CDKL1: variants seen among roughly 807,000 people sequenced by gnomAD.
The protein encoded by CDKL1 is cyclin-dependent kinase-like 1.
Under a neutral mutation model 42.0 loss-of-function variants are expected in CDKL1, and 41 were observed. That is an observed-to-expected ratio of 0.98 (90% CI 0.76 to 1.27). CDKL1 has a LOEUF of 1.27. Ranked by LOEUF, CDKL1 falls within the 50% of genes most tolerant of loss-of-function variation. CDKL1 has a pLI of 0.00. For missense variants in CDKL1, 394 were observed against 428.4 expected, an observed-to-expected ratio of 0.92 and a Z score of 0.71; for synonymous variants, 153 against 158.6, an observed-to-expected ratio of 0.96 and a Z score of 0.26.
chr14:50,333,057 T>G (rs1217940548), intron 8 of CDKL1: 2 of 170,434 alleles, frequency 1.2e-5, no homozygotes, highest in African/African-American at 4.8e-5. Context: ...GCCATGGAGC[T>G]CATTCTTGGA....
chr14:50,378,330 G>C, intron 2 of CDKL1: 3 of 1,366,526 alleles, frequency 2.2e-6, no homozygotes, highest in Non-Finnish European at 2.9e-6. Flanking sequence ...TAAGGTTCTT[G>C]CTCTGCGAGG....
chr14:50,388,157 G>A (rs570401291), intron 2 of CDKL1, among the ~76,000 whole-genome samples: 2 of 152,322 alleles, frequency 1.3e-5, no homozygotes, highest in South Asian at 2.1e-4. Flanking sequence ...CCAAAGTGCT[G>A]GGATCACAGG....
chr14:50,382,429 C>A (rs1023706354), intron 2 of CDKL1, among the ~76,000 whole-genome samples: 2 of 151,844 alleles, frequency 1.3e-5, no homozygotes, highest in African/African-American at 4.8e-5. Context: ...CCAGCCTGGG[C>A]GACAGAGCAA....
At chr14:50,374,396 T>C (rs534114757) in intron 2 of CDKL1, among the ~76,000 whole-genome samples, 1 of 152,324 alleles carries the variant, frequency 6.6e-6, no homozygotes, top group South Asian at 2.1e-4. Context: ...TACGACACAA[T>C]GTGTGAACCT....
In CDKL1 at chr14:50,396,671, C is replaced by T. The variant is rs529745790; in HGVS notation, c.-462+153G>A. 5.4e-3 allele frequency: 919 copies of T among 170,104 alleles called. 2 individuals are homozygous for T. The highest frequency in any genetic ancestry group is 8.4e-3 in the Non-Finnish European group (704 of 84,292). 10.5% of individuals were successfully genotyped at this position (170,104 alleles called of 1,614,324 possible). A position where few individuals can be genotyped will look rare whatever the true frequency, so the allele number is the denominator to read the frequency against. On this transcript the variant is annotated intron_variant, in intron 1 of 9. Transcript: ENST00000395834. The stretch of plus-strand genomic sequence containing the variant: ...CGGAGGCGGCGGCGAGGCTTGGCCG[C>T]AGGAGACCAACCCGCGCCCCGCGCC...
intron 2 of CDKL1, among the ~76,000 whole-genome samples, chr14:50,392,667 C>A (rs1312718932): frequency 1.3e-5 from 2 of 151,828 alleles, no homozygotes; most frequent in Non-Finnish European, 2.9e-5. Flanking sequence ...CTTTAAATAC[C>A]ATCGATATGC....
intron 4 of CDKL1, chr14:50,342,992 C>T (rs763167309): frequency 2.2e-6 from 3 of 1,355,784 alleles, no homozygotes; most frequent in South Asian, 1.2e-5. Context: ...GCGGCCCCCC[C>T]TCCAGAATTT....
At chr14:50,392,183 C>T (rs12893070) in intron 2 of CDKL1, among the ~76,000 whole-genome samples, 34,391 of 152,170 alleles carry the variant, frequency 0.23, 4,258 homozygotes, top group Middle Eastern at 0.37. Flanking sequence ...CGGGGGCTCA[C>T]GCCCATAATC....
intron 2 of CDKL1, chr14:50,363,094 G>C (rs906944564): frequency 3.1e-5 from 10 of 327,406 alleles, no homozygotes; most frequent in African/African-American, 8.5e-5. Context: ...CACTCACTGC[G>C]AAGGTCTGCA....
At chr14:50,342,253 T>A (rs1214771395) in intron 4 of CDKL1, 31 bp from the exon 5 acceptor site, 4 of 1,579,786 alleles carry the variant, frequency 2.5e-6, no homozygotes, top group East Asian at 2.2e-5. Flanking sequence ...AAAAACAATA[T>A]TAAGGCTGAA....
At position 50,359,093 on chromosome 14, in the gene CDKL1, C is replaced by A. The variant is rs1482781388; in HGVS notation, c.225G>T (p.Arg75Ser). The change falls in exon 3 of 10, where the codon AGG becomes AGT. Residue 75 changes from arginine (R) to serine (S), a missense_variant. Arg to Ser is a moderately radical substitution (Grantham distance 110, BLOSUM62 -1). Coordinates refer to ENST00000395834, the MANE Select transcript of CDKL1 (RefSeq NM_004196.7). Reference protein sequence around the residue: ...NLLEVFRRKRRLHLVFEYCDH... With the variant: ...NLLEVFRRKRSLHLVFEYCDH... ...CACAATATTCAAACACCAGGTGAAG[C>A]CTCCGTTTCCTCCTGAAGACTTCCA... is the stretch of plus-strand genomic sequence containing the variant. The A allele has an allele frequency of 6.2e-7, 1 of 1,612,864 alleles. No homozygotes were observed. The highest frequency in any genetic ancestry group is 8.5e-7 in the Non-Finnish European group (1 of 1,179,080).
At chr14:50,341,663 C>T (rs1018605674) in intron 5 of CDKL1, among the ~76,000 whole-genome samples, 1 of 151,914 alleles carries the variant, frequency 6.6e-6, no homozygotes, top group South Asian at 2.1e-4. Flanking sequence ...TGCCTGTAGT[C>T]CCAGCAATTC....
At chr14:50,392,892 G>C (rs1713952690) in intron 2 of CDKL1, among the ~76,000 whole-genome samples, 1 of 152,082 alleles carries the variant, frequency 6.6e-6, no homozygotes, top group African/African-American at 2.4e-5. Context: ...CAAAAACCTT[G>C]AAATTGTTCT....
At chr14:50,359,635 T>C (rs939258886) in intron 2 of CDKL1, among the ~76,000 whole-genome samples, 2 of 148,490 alleles carry the variant, frequency 1.3e-5, no homozygotes, top group Non-Finnish European at 2.9e-5. Flanking sequence ...ATAGCTACAA[T>C]AGATAAATTC....
At chr14:50,390,347 T>C (rs544044530) in intron 2 of CDKL1, 1 of 1,366,416 alleles carries the variant, frequency 7.3e-7, no homozygotes, top group East Asian at 4.5e-5. Context: ...CCAACTCCGC[T>C]AGGAGCATCT....
Position 50,328,760 on chromosome 14 carries a change from C to T in CDKL1, c.*1314G>A, listed in dbSNP as rs926020103. 2.0e-5 allele frequency: 3 copies of T among 151,966 alleles called. No individual in the cohort carries two copies. The highest frequency in any genetic ancestry group is 1.9e-4 in the East Asian group (1 of 5,178). The allele number at this position is 151,966 out of a possible 1,614,324, so 9.4% of individuals were successfully genotyped here. On this transcript the variant is annotated 3_prime_UTR_variant, in exon 10 of 10. Coordinates refer to ENST00000395834, the MANE Select transcript of CDKL1 (RefSeq NM_004196.7). ...ATGCCAGCACTTTGGAAGGCCAAGG[C>T]GCTCAGATCACGTGAGCCCAGGAGT...
intron 2 of CDKL1, among the ~76,000 whole-genome samples, chr14:50,393,681 CT>C (rs1472632180): frequency 2.0e-5 from 3 of 152,158 alleles, no homozygotes; most frequent in African/African-American, 7.2e-5. Flanking sequence ...TATCACACAA[CT>C]CTGAAAAGTT....
chr14:50,395,594 G>C, intron 2 of CDKL1, 107 bp downstream of exon 2: 2 of 726,144 alleles, frequency 2.8e-6, no homozygotes, highest in Non-Finnish European at 4.5e-6. Context: ...TTGAGCCCAG[G>C]AGTTCCAGGC....
At chr14:50,358,421 GACTA>G (rs1284628037) in intron 3 of CDKL1, among the ~76,000 whole-genome samples, 1 of 151,240 alleles carries the variant, frequency 6.6e-6, no homozygotes, top group Non-Finnish European at 1.5e-5. Context: ...GTCAGGCATA[GACTA>G]ACTAATATCC....
Sources: allele counts gnomAD v4.1 joint callset (sites outside exome capture counted in the v4.1 genomes callset), GRCh38; gene constraint gnomAD v4.1.1; transcripts MANE v1.5; gene names NCBI Gene and HGNC (gene_info 2026-07-23, HGNC 2026-07-21).